DDX50: variants seen among roughly 807,000 people sequenced by gnomAD.
The protein encoded by DDX50 is DExD-box helicase 50.
A neutral mutation model predicts 94.8 loss-of-function variants in DDX50; 56 were observed. The ratio of observed to expected loss-of-function variants is 0.59; its 90% CI spans 0.48 to 0.74. DDX50 has a LOEUF of 0.74. DDX50 is among the 30% of genes least tolerant of loss of function. The probability of loss-of-function intolerance (pLI) is 0.00; values close to 1 mark genes in which losing one functional copy is unlikely to be tolerated. For synonymous variants in DDX50, 264 were observed against 295.4 expected, an observed-to-expected ratio of 0.89 and a Z score of 1.09; for missense variants, 713 against 881.2, an observed-to-expected ratio of 0.81 and a Z score of 2.42.
At chr10:68,932,108 C>G (rs1842288903) in intron 8 of DDX50, among the ~76,000 whole-genome samples, 2 of 152,168 alleles carry the variant, frequency 1.3e-5, no homozygotes, top group African/African-American at 4.8e-5. Flanking sequence ...TTGAAGATGC[C>G]TGTCAGCTGG....
In DDX50 at chr10:68,934,307, C is replaced by T. The variant is rs755105994; in HGVS notation, c.1348C>T (p.Arg450Cys). 10 of 1,613,616 alleles carry T rather than the reference C, an allele frequency of 6.2e-6. No homozygotes were observed. Among genetic ancestry groups the T allele is most frequent in the East Asian group, 2.2e-5 (1 of 44,888 alleles). Residue 450 changes from arginine (R) to cysteine (C), a missense_variant, in exon 9 of 15, where the codon CGT becomes TGT. Transcript: ENST00000373585. This position sits in a 1 kb window ranked among gnomAD's most constrained non-coding sequence, Gnocchi z 4.0. The stretch of plus-strand genomic sequence containing the variant: ...TTTGGTGGCAACCAATGTGGCTGCC[C>T]GTGGTTTGGACATTCCTGAAGTTGA... Reference protein sequence around the residue: ...KVLVATNVAARGLDIPEVDLV... With the variant: ...KVLVATNVAACGLDIPEVDLV...
intron 12 of DDX50, among the ~76,000 whole-genome samples, chr10:68,938,244 G>A (rs1445332347): frequency 1.3e-5 from 2 of 152,172 alleles, no homozygotes; most frequent in Non-Finnish European, 2.9e-5. Flanking sequence ...AATTAACACA[G>A]TAGCATGCAA....
Position 68,906,688 on chromosome 10 carries a change from A to G in DDX50, c.88-23A>G. 4 of 1,593,818 alleles carry G rather than the reference A, an allele frequency of 2.5e-6. No homozygotes were observed. The South Asian group carries it at 3.5e-5, about 14-fold the overall frequency. On this transcript the variant is annotated intron_variant, in intron 1 of 14. Coordinates refer to ENST00000373585, the MANE Select transcript of DDX50 (RefSeq NM_024045.2). ...AAAGAAAACCTCTGACCATCTTGTC[A>G]TTGCTTCTTTGTTTGTTCACAGAGT...
chr10:68,912,501 T>C (rs1342620502), intron 4 of DDX50, among the ~76,000 whole-genome samples: 2 of 152,126 alleles, frequency 1.3e-5, no homozygotes, highest in African/African-American at 4.8e-5. Flanking sequence ...GGTGTGAGCC[T>C]CCACGCCTGG....
At position 68,934,546 on chromosome 10, in the gene DDX50, AT is replaced by A. The variant is rs1842357723; in HGVS notation, c.1401+189del. On this transcript the variant is annotated intron_variant, in intron 9 of 14. Coordinates refer to ENST00000373585, the MANE Select transcript of DDX50 (RefSeq NM_024045.2). The surrounding 1 kb of genome is among the most constrained non-coding windows in gnomAD (Gnocchi z 4.0). ...GCAGATGATTAACTCTATTGTTTGT[AT>A]TTGAAGCATGGAGCAACAAAATCAG... is the stretch of plus-strand genomic sequence containing the variant. Among the ~76,000 whole-genome samples the A allele has an allele frequency of 6.6e-6, 1 of 152,148 alleles. No individual in the cohort carries two copies. Among genetic ancestry groups the A allele is most frequent in the African/African-American group, 2.4e-5 (1 of 41,448 alleles).
At chr10:68,901,593 C>T (rs1053682605) in intron 1 of DDX50, 122 bp downstream of exon 1, 5 of 1,052,480 alleles carry the variant, frequency 4.8e-6, no homozygotes, top group East Asian at 2.9e-5. Context: ...CCTCCCTTCG[C>T]GCCGCCCTCG....
chr10:68,909,427 G>A (rs1439038669), intron 2 of DDX50, among the ~76,000 whole-genome samples: 1 of 152,122 alleles, frequency 6.6e-6, no homozygotes, highest in Non-Finnish European at 1.5e-5. Flanking sequence ...TCTTGTATTA[G>A]CAACCTAAAT....
intron 10 of DDX50, among the ~76,000 whole-genome samples, 187 bp from the exon 11 acceptor site, chr10:68,935,819 A>G (rs1345508336): frequency 1.3e-5 from 2 of 152,206 alleles, no homozygotes; most frequent in African/African-American, 4.8e-5. Context: ...TGGGCAACAG[A>G]GCAAGACTCT....
At chr10:68,914,381 A>AG (rs1412116195) in intron 7 of DDX50, among the ~76,000 whole-genome samples, 177 bp downstream of exon 7, 1 of 152,190 alleles carries the variant, frequency 6.6e-6, no homozygotes, top group Non-Finnish European at 1.5e-5. Context: ...TAGAATAAAT[A>AG]GGGGGAAAAA....
chr10:68,944,734 A>G (rs1479167983), intron 14 of DDX50, among the ~76,000 whole-genome samples: 1 of 152,064 alleles, frequency 6.6e-6, no homozygotes, highest in African/African-American at 2.4e-5. Context: ...TTTAGTAGAG[A>G]CGGGGTTTCA....
chr10:68,935,785 A>G (rs1842391509), intron 10 of DDX50, among the ~76,000 whole-genome samples: 1 of 152,164 alleles, frequency 6.6e-6, no homozygotes, highest in Admixed American at 6.5e-5. Flanking sequence ...CAGTGAGCCA[A>G]GATCACGCCA....
intron 12 of DDX50, among the ~76,000 whole-genome samples, 191 bp from the exon 13 acceptor site, chr10:68,940,869 G>A (rs1842538044): frequency 6.6e-6 from 1 of 152,096 alleles, no homozygotes; most frequent in Non-Finnish European, 1.5e-5. Flanking sequence ...GCAATACATA[G>A]GATAGTACTT....
intron 12 of DDX50, among the ~76,000 whole-genome samples, chr10:68,938,538 A>G (rs1348181615): frequency 6.6e-6 from 1 of 152,204 alleles, no homozygotes; most frequent in Non-Finnish European, 1.5e-5. Context: ...GGGATTTTCA[A>G]ATAATAACAA....
At position 68,934,131 on chromosome 10, in the gene DDX50, A is replaced by G. The variant is rs144583332; in HGVS notation, c.1240-68A>G. The G allele has an allele frequency of 3.5e-3, 5,052 of 1,442,748 alleles. 90 individuals carry two copies. The highest frequency in any genetic ancestry group is 0.026 in the Admixed American group (1,178 of 45,622). 89.4% of individuals were successfully genotyped at this position (1,442,748 alleles called of 1,614,324 possible). On this transcript the variant is annotated intron_variant, in intron 8 of 14. Transcript: ENST00000373585. This position sits in a 1 kb window ranked among gnomAD's most constrained non-coding sequence, Gnocchi z 4.0. ...AAAACATGCAAAAGGAGCACAGACT[A>G]GATGTTGTTGTGCTATCAGTTGCAA... is the stretch of plus-strand genomic sequence containing the variant.
At chr10:68,939,127 C>A (rs1177906715) in intron 12 of DDX50, among the ~76,000 whole-genome samples, 1 of 152,066 alleles carries the variant, frequency 6.6e-6, no homozygotes, top group African/African-American at 2.4e-5. Flanking sequence ...TAGGTTGTTC[C>A]AGTACTAGTA....
Position 68,904,920 on chromosome 10 carries a change from A to G in DDX50, c.88-1791A>G, listed in dbSNP as rs138637792. Among the ~76,000 whole-genome samples, 513 of 152,390 alleles carry G rather than the reference A, an allele frequency of 3.4e-3. 3 individuals are homozygous for G. The highest frequency in any genetic ancestry group is 0.012 in the African/African-American group (490 of 41,600). On this transcript the variant is annotated intron_variant, in intron 1 of 14. Transcript: ENST00000373585. ...TTCCAATTTTATGGATGAGAAAATT[A>G]TATGTGAAATAACTCTAAAAGTTGT...
intron 8 of DDX50, among the ~76,000 whole-genome samples, chr10:68,930,139 T>TTG (rs1842217125): frequency 1.5e-5 from 2 of 135,608 alleles, no homozygotes; most frequent in East Asian, 2.1e-4. Flanking sequence ...TTTTTTTTGA[T>TTG]GGAGTTTCGC....
chr10:68,924,583 C>T (rs936671354), intron 8 of DDX50, among the ~76,000 whole-genome samples: 2 of 152,152 alleles, frequency 1.3e-5, no homozygotes, highest in East Asian at 1.9e-4. Flanking sequence ...ATACTTCTGG[C>T]GTCACAGCTC....
At chr10:68,917,928 A>G (rs1392877191) in intron 7 of DDX50, among the ~76,000 whole-genome samples, 6 of 150,764 alleles carry the variant, frequency 4.0e-5, no homozygotes, top group Non-Finnish European at 7.4e-5. Context: ...TAACATACAT[A>G]TCTTTTTTTT....
Sources: allele counts gnomAD v4.1 joint callset (sites outside exome capture counted in the v4.1 genomes callset), GRCh38; gene constraint gnomAD v4.1.1; non-coding constraint Gnocchi (gnomAD v3.1); transcripts MANE v1.5; gene names NCBI Gene and HGNC (gene_info 2026-07-23, HGNC 2026-07-21).